The following STAP2 variants were observed in gnomAD, a reference collection of about 807,000 sequenced individuals.
STAP2 encodes the protein signal transducing adaptor family member 2.
In STAP2, 58 loss-of-function variants were observed where a neutral mutation model predicts 52.7. The observed-to-expected ratio is 1.10, with a 90% confidence interval of 0.89 to 1.37. STAP2 has a LOEUF of 1.37. Among genes scored for constraint, STAP2 ranks in the 40% most tolerant of loss-of-function variants. STAP2 has a pLI of 0.00. For synonymous variants in STAP2, 231 were observed against 210.5 expected (o/e 1.10, Z -0.84); for missense variants, 522 against 519.4 (o/e 1.00, Z -0.05).
intron 1 of STAP2, among the ~76,000 whole-genome samples, chr19:4,334,804 C>CCACCCA (rs1971948202): frequency 1.9e-5 from 2 of 104,372 alleles, no homozygotes; most frequent in Non-Finnish European, 4.2e-5. Flanking sequence ...CCATCCATCC[C>CCACCCA]TCCATCATCC....
chr19:4,328,150 G>C lies in STAP2; in HGVS notation c.590+525C>G, dbSNP rs563354116. On this transcript the variant is annotated intron_variant, in intron 6 of 12. Transcript: ENST00000594605. ...TCTTCCTGCAAAGGAGTCGGCCTGG[G>C]CTCTACCTTCTTCCCTAGGCATTAA... 5.0e-5 allele frequency: 9 copies of C among 181,488 alleles called. No homozygotes were observed. In the South Asian group the frequency reaches 9.3e-4, roughly 19 times the overall value. 11.2% of individuals were successfully genotyped at this position (181,488 alleles called of 1,614,324 possible). A position where few individuals can be genotyped will look rare whatever the true frequency, so the allele number is the denominator to read the frequency against.
Position 4,329,074 on chromosome 19 carries a change from C to T in STAP2, c.456-265G>A, listed in dbSNP as rs572485910. 248 of 434,670 alleles carry T rather than the reference C, an allele frequency of 5.7e-4. 1 individual carries two copies. Among genetic ancestry groups the T allele is most frequent in the Non-Finnish European group, 8.7e-4 (213 of 245,414 alleles). The allele number at this position is 434,670 out of a possible 1,614,324, so 26.9% of individuals were successfully genotyped here. On this transcript the variant is annotated intron_variant, in intron 5 of 12. Coordinates refer to ENST00000594605, the MANE Select transcript of STAP2 (RefSeq NM_001013841.2). The stretch of plus-strand genomic sequence containing the variant: ...GGAGTGCAATGGCGCTATCTCGGCT[C>T]ACCGCAACCTCCGCCTCCCGGGTTC...
In STAP2 at chr19:4,330,024, TG is replaced by T. The variant is rs750897755; in HGVS notation, c.391del (p.His131ThrfsTer4). 18 of 1,613,226 alleles carry T rather than the reference TG, an allele frequency of 1.1e-5. No individual in the cohort carries two copies. In the Admixed American group the frequency reaches 3.0e-4, roughly 27 times the overall value. On this transcript the variant is annotated frameshift_variant, in exon 5 of 13. Coordinates refer to ENST00000594605, the MANE Select transcript of STAP2 (RefSeq NM_001013841.2). LOFTEE classifies it high-confidence loss of function. ...CAAGACTTCAGACATCATGTATAGGTGCCCAGGAAGCAGGGTCAAGTCGGTC... is the reference window on the plus strand; with the variant it reads ...CAAGACTTCAGACATCATGTATAGGTCCCAGGAAGCAGGGTCAAGTCGGTC... ...VPTDLTLLPG[H>X]LYMMSEVLAK...
At chr19:4,324,793 C>T in intron 11 of STAP2, 1 of 468,416 alleles carries the variant, frequency 2.1e-6, no homozygotes, top group Non-Finnish European at 3.9e-6. Context: ...GATCGCGCCA[C>T]TGCCTGGGCA....
At chr19:4,324,330 A>T in intron 12 of STAP2, 125 bp downstream of exon 12, 1 of 1,287,836 alleles carries the variant, frequency 7.8e-7, no homozygotes, top group Non-Finnish European at 1.1e-6. Flanking sequence ...CGAAGGCATT[A>T]AGAATTTCAA....
chr19:4,333,145 G>A (rs1209571360), intron 3 of STAP2, among the ~76,000 whole-genome samples: 8 of 148,014 alleles, frequency 5.4e-5, no homozygotes, highest in African/African-American at 2.0e-4. Context: ...AGCCAAGATT[G>A]CACTACTGCA....
chr19:4,329,722 C>A (rs1971856976), intron 5 of STAP2, among the ~76,000 whole-genome samples: 1 of 152,118 alleles, frequency 6.6e-6, no homozygotes, highest in Non-Finnish European at 1.5e-5. Flanking sequence ...AGGCCTAGGC[C>A]CCGCCACTGA....
chr19:4,338,432 GAGAA>G (rs2144799745), intron 1 of STAP2, among the ~76,000 whole-genome samples: 1 of 152,216 alleles, frequency 6.6e-6, no homozygotes, highest in East Asian at 1.9e-4. Flanking sequence ...GCCAGGGAGA[GAGAA>G]AGAGAAAAAG....
At chr19:4,337,235 C>CTT (rs537448777) in intron 1 of STAP2, among the ~76,000 whole-genome samples, 12 of 140,216 alleles carry the variant, frequency 8.6e-5, no homozygotes, top group South Asian at 2.3e-4. Flanking sequence ...AAGACCCCAT[C>CTT]TTTTTTTTTT....
At chr19:4,333,388 T>C (rs958195805) in intron 3 of STAP2, among the ~76,000 whole-genome samples, 44 of 146,874 alleles carry the variant, frequency 3.0e-4, no homozygotes, top group East Asian at 1.0e-3. Context: ...CCCAGCTACT[T>C]GGGAGGCTGA....
intron 1 of STAP2, among the ~76,000 whole-genome samples, chr19:4,335,738 G>A (rs1469204486): frequency 6.6e-6 from 1 of 152,114 alleles, no homozygotes; most frequent in Admixed American, 6.5e-5. Flanking sequence ...GTCTTTGTCT[G>A]TTTCCCCAGC....
intron 1 of STAP2, among the ~76,000 whole-genome samples, chr19:4,335,834 C>A (rs567852629): frequency 6.6e-6 from 1 of 152,094 alleles, no homozygotes; most frequent in African/African-American, 2.4e-5. Flanking sequence ...CCAGGGCCTG[C>A]GTTGAGTCAA....
chr19:4,338,070 G>A (rs1250528066), intron 1 of STAP2: 1 of 152,292 alleles, frequency 6.6e-6, no homozygotes, highest in African/African-American at 2.4e-5. Flanking sequence ...GGAGAGATAG[G>A]GCCTCACGGG....
At chr19:4,335,103 CCATCCATCCATCCATA>C (rs1971960173) in intron 1 of STAP2, among the ~76,000 whole-genome samples, 2 of 150,874 alleles carry the variant, frequency 1.3e-5, no homozygotes, top group African/African-American at 2.4e-5. Flanking sequence ...ACCCACTCAT[CCATCCATCCATCCATA>C]CATCCATCCA....
intron 3 of STAP2, among the ~76,000 whole-genome samples, chr19:4,333,046 T>A (rs1971918899): frequency 6.6e-6 from 1 of 150,740 alleles, no homozygotes; most frequent in African/African-American, 2.4e-5. Context: ...AAAAATTAGC[T>A]GTGCGTGGTG....
chr19:4,324,290 G>A lies in STAP2; in HGVS notation c.1148-93C>T, dbSNP rs1211384879. 1.0e-5 allele frequency: 14 copies of A among 1,394,422 alleles called. No homozygotes were observed. In the East Asian group the frequency reaches 3.5e-4, roughly 35 times the overall value. The allele number at this position is 1,394,422 out of a possible 1,614,324, so 86.4% of individuals were successfully genotyped here. On this transcript the variant is annotated intron_variant, in intron 12 of 12. Coordinates refer to ENST00000594605, the MANE Select transcript of STAP2 (RefSeq NM_001013841.2). ...GCCACCCAGGACCAGCTACAGATTT[G>A]CAGGGCCCCGTGCAACAGGACAGTG...
rs530601304 is a variant in STAP2, at chr19:4,334,128, G to A, written c.103-84C>T. 123 of 1,203,714 alleles carry A rather than the reference G, an allele frequency of 1.0e-4. No homozygotes were observed. The African/African-American group carries it at 1.6e-3, about 15-fold the overall frequency. 74.6% of individuals were successfully genotyped at this position (1,203,714 alleles called of 1,614,324 possible). The stretch of plus-strand genomic sequence containing the variant: ...TACTCAATCCTGTCTCGGGGCCTTT[G>A]CACTGGTTGTGCTCTCTGCCCCACG... On this transcript the variant is annotated intron_variant, in intron 1 of 12. Coordinates refer to ENST00000594605, the MANE Select transcript of STAP2 (RefSeq NM_001013841.2).
At position 4,324,205 on chromosome 19, in the gene STAP2, T is replaced by C. The variant is rs1245841916; in HGVS notation, c.1148-8A>G. The stretch of plus-strand genomic sequence containing the variant: ...CCGTCATGTCTGCCAGCCCTGGGGG[T>C]TCAGGACCAGGAGCTGCAGCTGGCT... On this transcript the variant is annotated splice_region_variant and splice_polypyrimidine_tract_variant and intron_variant, in intron 12 of 12. Coordinates refer to ENST00000594605, the MANE Select transcript of STAP2 (RefSeq NM_001013841.2). 1 of 1,550,746 alleles carries C rather than the reference T, an allele frequency of 6.4e-7. No homozygotes were observed. Among genetic ancestry groups the C allele is most frequent in the East Asian group, 2.4e-5 (1 of 40,898 alleles).
chr19:4,326,826 T>C (rs1025020143), intron 9 of STAP2, 116 bp downstream of exon 9: 122 of 1,330,002 alleles, frequency 9.2e-5, no homozygotes, highest in Middle Eastern at 2.6e-4. Flanking sequence ...TTTCTGTCCC[T>C]GCAACTTTGG....
Sources: allele counts gnomAD v4.1 joint callset (sites outside exome capture counted in the v4.1 genomes callset), GRCh38; gene constraint gnomAD v4.1.1; transcripts MANE v1.5; gene names NCBI Gene and HGNC (gene_info 2026-07-23, HGNC 2026-07-21).